GPC6: variants seen among roughly 807,000 people sequenced by gnomAD.
GPC6 encodes the protein glypican-6.
GPC6 carries 14 observed loss-of-function variants against 55.2 expected under a neutral mutation model. The observed-to-expected ratio is 0.25, with a 90% CI of 0.17 to 0.40. GPC6 has a LOEUF of 0.40. GPC6 is among the 10% of genes least tolerant of loss of function. GPC6 has a pLI of 1.00. For synonymous variants in GPC6, 278 were observed against 259.6 expected, an observed-to-expected ratio of 1.07 and a Z score of -0.68; for missense variants, 641 against 708.5, an observed-to-expected ratio of 0.90 and a Z score of 1.08.
At chr13:93,229,243 C>CT (rs35244715) in intron 1 of GPC6, among the ~76,000 whole-genome samples, 16 of 149,620 alleles carry the variant, frequency 1.1e-4, no homozygotes, top group East Asian at 2.0e-4. Flanking sequence ...ATCAGCTTCG[C>CT]TTTTTTTTTT....
chr13:94,096,354 G>T (rs74109601), intron 4 of GPC6, among the ~76,000 whole-genome samples: 1,876 of 151,298 alleles, frequency 0.012, 42 homozygotes, highest in South Asian at 0.066. Flanking sequence ...ATTTCCATGC[G>T]AGTTGTTGGG....
intron 2 of GPC6, among the ~76,000 whole-genome samples, chr13:93,577,902 C>G (rs769147748): frequency 6.6e-6 from 1 of 151,906 alleles, no homozygotes; most frequent in African/African-American, 2.4e-5. Context: ...AAATTTGTTG[C>G]GGGTTTTTAT....
chr13:93,463,560 C>T (rs1265506354), intron 1 of GPC6, among the ~76,000 whole-genome samples: 1 of 152,036 alleles, frequency 6.6e-6, no homozygotes, highest in Non-Finnish European at 1.5e-5. Context: ...GACAGGAAAC[C>T]TCCATCAGAG....
intron 4 of GPC6, among the ~76,000 whole-genome samples, chr13:94,264,740 T>C (rs1165143061): frequency 6.6e-6 from 1 of 152,228 alleles, no homozygotes; most frequent in Non-Finnish European, 1.5e-5. Context: ...TGTGTATTAG[T>C]TCATTTTCAT....
intron 4 of GPC6, among the ~76,000 whole-genome samples, chr13:94,261,658 G>T (rs969786156): frequency 6.6e-6 from 1 of 152,184 alleles, no homozygotes; most frequent in African/African-American, 2.4e-5. Flanking sequence ...AATAACTAAT[G>T]AACAAATAAA....
chr13:94,335,204 A>G (rs1487785638), intron 6 of GPC6, among the ~76,000 whole-genome samples: 1 of 152,228 alleles, frequency 6.6e-6, no homozygotes, highest in Non-Finnish European at 1.5e-5. Flanking sequence ...AAACAGGATC[A>G]GAAAGAAGTC....
chr13:93,927,367 T>C (rs1188219790), intron 3 of GPC6, among the ~76,000 whole-genome samples: 1 of 152,222 alleles, frequency 6.6e-6, no homozygotes, highest in Non-Finnish European at 1.5e-5. Flanking sequence ...TTTCCTTCCT[T>C]ACTATCATCT....
chr13:93,312,747 C>T (rs1312945306), intron 1 of GPC6, among the ~76,000 whole-genome samples: 1 of 152,180 alleles, frequency 6.6e-6, no homozygotes, highest in Non-Finnish European at 1.5e-5. Flanking sequence ...CAATACTTCT[C>T]TGGTTTAGAA....
intron 1 of GPC6, among the ~76,000 whole-genome samples, chr13:93,374,105 G>A (rs1258308536): frequency 1.3e-5 from 2 of 152,118 alleles, no homozygotes; most frequent in Non-Finnish European, 2.9e-5. Flanking sequence ...ATACATAGAG[G>A]TTCTGATTCA....
intron 5 of GPC6, among the ~76,000 whole-genome samples, chr13:94,300,630 A>G (rs983135518): frequency 3.3e-5 from 5 of 152,186 alleles, no homozygotes. Context: ...GCTAGGTGGA[A>G]GGAGAATTGC....
At chr13:93,432,803 G>A (rs1474180532) in intron 1 of GPC6, among the ~76,000 whole-genome samples, 2 of 152,028 alleles carry the variant, frequency 1.3e-5, no homozygotes, top group African/African-American at 4.8e-5. Flanking sequence ...CCCAAAGAGA[G>A]GGATAAAGTA....
chr13:93,323,249 A>T (rs961515134), intron 1 of GPC6, among the ~76,000 whole-genome samples: 1 of 152,176 alleles, frequency 6.6e-6, no homozygotes, highest in Admixed American at 6.5e-5. Context: ...ACCATTATAT[A>T]GTTAAGAAAT....
At chr13:94,272,771 G>A (rs888811771) in intron 4 of GPC6, among the ~76,000 whole-genome samples, 19 of 152,052 alleles carry the variant, frequency 1.2e-4, no homozygotes, top group African/African-American at 4.3e-4. Context: ...CCTGGCCCTG[G>A]TCCTGTTTCT....
chr13:93,760,913 A>G (rs1361755759), intron 2 of GPC6, among the ~76,000 whole-genome samples: 1 of 152,194 alleles, frequency 6.6e-6, no homozygotes, highest in Non-Finnish European at 1.5e-5. Context: ...AATTGTTGCT[A>G]TTGTTCTTAA....
At chr13:93,778,411 C>T (rs1029767416) in intron 2 of GPC6, among the ~76,000 whole-genome samples, 2 of 152,114 alleles carry the variant, frequency 1.3e-5, no homozygotes, top group African/African-American at 4.8e-5. Context: ...CAAATACATG[C>T]AAATACACTC....
chr13:93,987,161 C>G (rs1317572342), intron 3 of GPC6, among the ~76,000 whole-genome samples: 1 of 152,088 alleles, frequency 6.6e-6, no homozygotes. Flanking sequence ...AGTAAAGACT[C>G]AATATCTACG....
At chr13:93,263,347 T>A (rs971365115) in intron 1 of GPC6, among the ~76,000 whole-genome samples, 2 of 152,030 alleles carry the variant, frequency 1.3e-5, no homozygotes, top group African/African-American at 4.8e-5. Context: ...TGTTGTTGTT[T>A]GTTTTTTGTT....
chr13:93,453,970 C>G (rs113493618), intron 1 of GPC6, among the ~76,000 whole-genome samples: 9 of 152,216 alleles, frequency 5.9e-5, no homozygotes, highest in South Asian at 2.1e-4. Context: ...ATTGGTAGAG[C>G]GGAGTGGTCT....
At chr13:94,098,235 A>G (rs1885735170) in intron 4 of GPC6, among the ~76,000 whole-genome samples, 1 of 152,234 alleles carries the variant, frequency 6.6e-6, no homozygotes, top group African/African-American at 2.4e-5. Context: ...ATGTAGTTTA[A>G]TATAGACTGG....
Sources: gnomAD v4.1 joint callset for allele counts (sites outside exome capture counted in the v4.1 genomes callset) on GRCh38, gnomAD v4.1.1 for gene constraint, MANE v1.5 for transcripts, NCBI Gene and HGNC (gene_info 2026-07-23, HGNC 2026-07-21) for gene names.